Variants in A2ML1 observed in about 807,000 individuals in gnomAD.
A2ML1 encodes alpha-2-macroglobulin-like protein 1.
A2ML1 carries 161 observed loss-of-function variants against 181.9 expected under a neutral mutation model. The ratio of observed to expected loss-of-function variants is 0.89; its 90% CI spans 0.78 to 1.01. A2ML1 has a LOEUF of 1.01. Among genes scored for constraint, A2ML1 ranks in the 50% least tolerant of loss-of-function variants. A2ML1 has a pLI of 0.00. For missense variants in A2ML1, 1,670 were observed against 1,768.1 expected, an observed-to-expected ratio of 0.94 and a Z score of 1.00; for synonymous variants, 663 against 666.8, an observed-to-expected ratio of 0.99 and a Z score of 0.09.
chr12:8,870,549 A>G (rs765292136), intron 33 of A2ML1, among the ~76,000 whole-genome samples: 3 of 152,302 alleles, frequency 2.0e-5, no homozygotes, highest in South Asian at 2.1e-4. Flanking sequence ...TTACAGGCGT[A>G]AGCCACCGCA....
intron 4 of A2ML1, 29 bp from the exon 5 acceptor site, chr12:8,834,632 TA>T (rs1325554799): frequency 1.2e-6 from 2 of 1,613,420 alleles, no homozygotes; most frequent in South Asian, 2.2e-5. Flanking sequence ...CAACCTTCTT[TA>T]ACCCGCATTA....
intron 10 of A2ML1, among the ~76,000 whole-genome samples, chr12:8,841,030 G>GGAAA: frequency 1.4e-5 from 2 of 146,606 alleles, no homozygotes; most frequent in Non-Finnish European, 3.1e-5. Context: ...AAGGAAGGAA[G>GGAAA]GAAGGAAAGA....
rs778668413 is a variant in A2ML1, at chr12:8,843,289, G to A, written c.1404G>A (p.Gln468=). The A allele has an allele frequency of 6.2e-7, 1 of 1,614,184 alleles. No individual in the cohort carries two copies. The highest frequency in any genetic ancestry group is 2.2e-5 in the East Asian group (1 of 44,882). The change falls in exon 12 of 36, where the codon CAG becomes CAA. Residue 468 remains glutamine (Q), a synonymous_variant. Coordinates refer to ENST00000299698, the MANE Select transcript of A2ML1 (RefSeq NM_144670.6). ...LNGPLKCGQP[Q]EVLVDYYIDP... ...GCCCCTTGAAATGTGGCCAGCCCCA[G>A]GAAGTGCTGGTGGATTATTACATCG... is the stretch of plus-strand genomic sequence containing the variant.
At chr12:8,826,743 C>T (rs747797350) in intron 3 of A2ML1, among the ~76,000 whole-genome samples, 3 of 152,206 alleles carry the variant, frequency 2.0e-5, no homozygotes, top group South Asian at 2.1e-4. Context: ...CTCAGCCTCC[C>T]GAGTAGCTGG....
intron 13 of A2ML1, among the ~76,000 whole-genome samples, chr12:8,845,865 T>TAAAATAAAATAAAATA (rs1555111301): frequency 7.6e-6 from 1 of 131,210 alleles, no homozygotes; most frequent in Non-Finnish European, 1.6e-5. Context: ...AAAAAAAAAA[T>TAAAATAAAATAAAATA]AAATAAAATA....
chr12:8,868,309 G>A lies in A2ML1; in HGVS notation c.4013G>A (p.Cys1338Tyr), dbSNP rs1410454334. The A allele has an allele frequency of 6.2e-7, 1 of 1,613,774 alleles. No homozygotes were observed. Among genetic ancestry groups the A allele is most frequent in the Non-Finnish European group, 8.5e-7 (1 of 1,179,984 alleles). The change falls in exon 31 of 36, where the codon TGT becomes TAT. Residue 1338 changes from cysteine (C) to tyrosine (Y), a missense_variant. By Grantham distance (194) the Cys-to-Tyr change is radical. Coordinates refer to ENST00000299698, the MANE Select transcript of A2ML1 (RefSeq NM_144670.6). ...SLSVEIGKAR[C>Y]EQPTSPRSLT... ...AGTGTGGAAATAGGAAAAGCTAGAT[G>A]TGAGCAACCGACTTCACCTCGATCC...
chr12:8,839,291 C>T, intron 10 of A2ML1, 69 bp downstream of exon 10: 1 of 1,092,876 alleles, frequency 9.2e-7, no homozygotes, highest in Non-Finnish European at 1.4e-6. Flanking sequence ...CTTCCTGCAG[C>T]CATAGCCACA....
At chr12:8,838,952 A>T (rs1202944183) in intron 9 of A2ML1, among the ~76,000 whole-genome samples, 161 bp from the exon 10 acceptor site, 1 of 151,338 alleles carries the variant, frequency 6.6e-6, no homozygotes, top group Non-Finnish European at 1.5e-5. Context: ...AATACTACAT[A>T]CTTCTCCAAA....
chr12:8,842,209 A>G (rs1943502476), intron 11 of A2ML1, among the ~76,000 whole-genome samples: 1 of 150,458 alleles, frequency 6.6e-6, no homozygotes, highest in South Asian at 2.1e-4. Flanking sequence ...TGTATATTGC[A>G]TATGTTTTTT....
downstream of A2ML1, among the ~76,000 whole-genome samples, chr12:8,879,582 C>T (rs1005928119): frequency 1.3e-5 from 2 of 152,064 alleles, no homozygotes; most frequent in African/African-American, 4.8e-5. Flanking sequence ...GCAGCACTTA[C>T]CAGAGCATCC....
intron 33 of A2ML1, among the ~76,000 whole-genome samples, chr12:8,871,581 G>A (rs1298349219): frequency 1.3e-5 from 2 of 150,642 alleles, no homozygotes; most frequent in Admixed American, 1.3e-4. Context: ...CCAAAGTGCT[G>A]GAGTTATAGG....
intron 3 of A2ML1, among the ~76,000 whole-genome samples, chr12:8,827,345 A>G (rs143899280): frequency 6.6e-6 from 1 of 152,286 alleles, no homozygotes; most frequent in East Asian, 1.9e-4. Flanking sequence ...TCAAATAATA[A>G]TAATATTGAT....
intron 18 of A2ML1, among the ~76,000 whole-genome samples, chr12:8,850,729 C>T (rs185149039): frequency 1.8e-4 from 28 of 152,098 alleles, no homozygotes; most frequent in Middle Eastern, 3.4e-3. Flanking sequence ...ATTTATTTTC[C>T]GGAATTCTTT....
chr12:8,867,840 A>G lies in A2ML1; in HGVS notation c.3718-2A>G. Reference sequence around the variant, plus strand: ...AAGTATACGTTTGGTTGTTTCCCTCAGGATACTGTAGTTGCTCTCCAAGCT... The same window carrying G: ...AAGTATACGTTTGGTTGTTTCCCTCGGGATACTGTAGTTGCTCTCCAAGCT... On this transcript the variant is annotated splice_acceptor_variant, in intron 29 of 35. Coordinates refer to ENST00000299698, the MANE Select transcript of A2ML1 (RefSeq NM_144670.6). LOFTEE classifies it high-confidence loss of function. 6.2e-7 allele frequency: 1 copy of G among 1,613,714 alleles called. No individual in the cohort carries two copies. The highest frequency in any genetic ancestry group is 8.5e-7 in the Non-Finnish European group (1 of 1,179,588).
chr12:8,858,446 C>A (rs773155754), intron 26 of A2ML1, among the ~76,000 whole-genome samples: 10 of 152,034 alleles, frequency 6.6e-5, no homozygotes, highest in Admixed American at 5.9e-4. Context: ...ATTAATCAGG[C>A]TTGTTAGTGC....
intron 23 of A2ML1, among the ~76,000 whole-genome samples, chr12:8,855,926 T>C (rs910853464): frequency 2.0e-5 from 3 of 152,174 alleles, no homozygotes; most frequent in Non-Finnish European, 4.4e-5. Context: ...AATTTGGGTA[T>C]AGTTTAGGGA....
Position 8,845,863 on chromosome 12 carries a change from AATAAATAAAATAAAATAAAATAAAAT to A in A2ML1, c.1538-212_1538-187del, listed in dbSNP as rs1418791957. On this transcript the variant is annotated intron_variant, in intron 13 of 35. Transcript: ENST00000299698. Reference sequence around the variant, plus strand: ...AGACTCCGTCTCAAAAAAAAAAAAAAATAAATAAAATAAAATAAAATAAAATAAAAAAATTCTTATCCACAGAAGTA... The same window carrying A: ...AGACTCCGTCTCAAAAAAAAAAAAAAAAAAAAATTCTTATCCACAGAAGTA... 0.046 allele frequency among the ~76,000 whole-genome samples: 2,692 copies of A among 58,278 alleles called. 197 individuals carry two copies. Among genetic ancestry groups the A allele is most frequent in the African/African-American group, 0.17 (2,516 of 15,154 alleles). The allele number at this position is 58,278 out of a possible 152,430, so 38.2% of individuals were successfully genotyped here.
chr12:8,830,208 C>T (rs971605847), intron 4 of A2ML1, among the ~76,000 whole-genome samples: 17 of 151,962 alleles, frequency 1.1e-4, no homozygotes, highest in South Asian at 2.1e-4. Context: ...CGCACCATCA[C>T]GCCTGGCTAA....
At chr12:8,869,090 A>G in intron 32 of A2ML1, 45 bp from the exon 33 acceptor site, 1 of 1,590,086 alleles carries the variant, frequency 6.3e-7, no homozygotes, top group East Asian at 2.2e-5. Context: ...ACCCCAGGGA[A>G]GGCTCTGGCT....
Sources: allele counts gnomAD v4.1 joint callset (sites outside exome capture counted in the v4.1 genomes callset), GRCh38; gene constraint gnomAD v4.1.1; transcripts MANE v1.5; gene names NCBI Gene and HGNC (gene_info 2026-07-23, HGNC 2026-07-21).